PTPRD: variants seen among roughly 807,000 people sequenced by gnomAD.
PTPRD encodes receptor-type tyrosine-protein phosphatase delta.
A neutral mutation model predicts 214.5 loss-of-function variants in PTPRD; 34 were observed. The observed-to-expected ratio is 0.16, with a 90% CI of 0.12 to 0.21. PTPRD has a LOEUF of 0.21. Among genes scored for constraint, PTPRD ranks in the 10% least tolerant of loss-of-function variants. The pLI, the probability that PTPRD is intolerant of heterozygous loss-of-function variation, is 1.00. For missense variants in PTPRD, 2,545 were observed against 2,398.7 expected, an observed-to-expected ratio of 1.06 and a Z score of -1.27; for synonymous variants, 1,128 against 845.7, an observed-to-expected ratio of 1.33 and a Z score of -5.79.
intron 7 of PTPRD, among the ~76,000 whole-genome samples, chr9:9,583,502 C>A (rs1223136721): frequency 6.6e-6 from 1 of 152,000 alleles, no homozygotes; most frequent in South Asian, 2.1e-4. Flanking sequence ...CCTTAGTTGA[C>A]AATGAGCCAA....
chr9:9,575,409 T>C (rs1178212213), intron 7 of PTPRD, among the ~76,000 whole-genome samples: 1 of 152,054 alleles, frequency 6.6e-6, no homozygotes, highest in Non-Finnish European at 1.5e-5. Flanking sequence ...TTAGTTACCA[T>C]TGTGTGTGAC....
intron 9 of PTPRD, among the ~76,000 whole-genome samples, chr9:9,322,504 G>T (rs1267296832): frequency 6.6e-6 from 1 of 152,092 alleles, no homozygotes; most frequent in Non-Finnish European, 1.5e-5. Context: ...ACTATACCAT[G>T]CTACTTCTCA....
At chr9:8,385,978 G>C in intron 37 of PTPRD, among the ~76,000 whole-genome samples, 1 of 152,272 alleles carries the variant, frequency 6.6e-6, no homozygotes, top group South Asian at 2.1e-4. Flanking sequence ...TTTCATTTGG[G>C]AACACAGAGT....
At chr9:8,744,064 A>C (rs2092470917) in intron 11 of PTPRD, among the ~76,000 whole-genome samples, 1 of 152,108 alleles carries the variant, frequency 6.6e-6, no homozygotes, top group Admixed American at 6.5e-5. Context: ...ATCACTAATG[A>C]TCAGAGAAAT....
At chr9:9,665,039 C>A (rs996649136) in intron 7 of PTPRD, among the ~76,000 whole-genome samples, 8 of 151,600 alleles carry the variant, frequency 5.3e-5, no homozygotes, top group African/African-American at 1.5e-4. Flanking sequence ...TCATGTCACT[C>A]TTCATATGTG....
At chr9:10,398,782 A>G (rs1347185922) in intron 2 of PTPRD, among the ~76,000 whole-genome samples, 3 of 151,974 alleles carry the variant, frequency 2.0e-5, no homozygotes, top group Non-Finnish European at 4.4e-5. Context: ...ACCTTTTCAA[A>G]GTGCTATCAT....
At chr9:9,138,808 A>G (rs925130803) in intron 10 of PTPRD, among the ~76,000 whole-genome samples, 1 of 152,086 alleles carries the variant, frequency 6.6e-6, no homozygotes, top group African/African-American at 2.4e-5. Context: ...TTTGATATCT[A>G]TTTATTTAAA....
chr9:9,567,196 G>A (rs1023043465), intron 8 of PTPRD, among the ~76,000 whole-genome samples: 5 of 151,938 alleles, frequency 3.3e-5, no homozygotes, highest in African/African-American at 1.2e-4. Flanking sequence ...TTTTCTGTCA[G>A]TCAAAGGTGT....
Position 9,675,481 on chromosome 9 carries a change from A to AG in PTPRD, c.-287+59051dup, listed in dbSNP as rs60667768. ...ATTGTTTAAAAATATGATAAATACAAGAAATTATAAAAAATAAAAAGGTCA... is the reference window on the plus strand; with the variant it reads ...ATTGTTTAAAAATATGATAAATACAAGGAAATTATAAAAAATAAAAAGGTCA... On this transcript the variant is annotated intron_variant, in intron 7 of 45. Transcript: ENST00000381196. Among the ~76,000 whole-genome samples the AG allele has an allele frequency of 4.9e-3, 738 of 151,922 alleles. 6 individuals carry two copies. The highest frequency in any genetic ancestry group is 0.017 in the African/African-American group (697 of 41,558).
chr9:10,420,924 T>C (rs2098539700), intron 2 of PTPRD, among the ~76,000 whole-genome samples: 1 of 151,860 alleles, frequency 6.6e-6, no homozygotes, highest in Non-Finnish European at 1.5e-5. Context: ...AGAAATTGTC[T>C]CATGCTTTCT....
intron 12 of PTPRD, among the ~76,000 whole-genome samples, chr9:8,705,620 GCTT>G (rs1406188483): frequency 1.3e-5 from 2 of 152,102 alleles, no homozygotes; most frequent in African/African-American, 4.8e-5. Context: ...AGATATATCT[GCTT>G]CTTAAGTTAG....
chr9:9,633,440 C>A (rs1014599458), intron 7 of PTPRD, among the ~76,000 whole-genome samples: 4 of 152,248 alleles, frequency 2.6e-5, no homozygotes, highest in African/African-American at 9.6e-5. Context: ...CTTCCAAAAT[C>A]TAGGCATGTT....
chr9:9,173,304 G>A (rs968079), intron 10 of PTPRD, among the ~76,000 whole-genome samples: 116,949 of 152,050 alleles, frequency 0.77, 46,965 homozygotes, highest in South Asian at 0.94. Context: ...TAATAGTGCT[G>A]ATTTCAAGTC....
At chr9:8,717,367 C>A (rs762998082) in intron 12 of PTPRD, among the ~76,000 whole-genome samples, 1 of 152,168 alleles carries the variant, frequency 6.6e-6, no homozygotes, top group Admixed American at 6.5e-5. Context: ...AAAGTCAACT[C>A]ATCATGACAT....
chr9:10,205,828 C>T (rs1266687144), intron 3 of PTPRD, among the ~76,000 whole-genome samples: 1 of 152,068 alleles, frequency 6.6e-6, no homozygotes, highest in Admixed American at 6.5e-5. Flanking sequence ...GATACTATAA[C>T]TTTAAAAATA....
rs2097008108 is a variant in PTPRD at position 8,486,320 on chromosome 9, G to A, written c.2497C>T (p.His833Tyr). 6.2e-7 allele frequency: 1 copy of A among 1,614,006 alleles called. No individual in the cohort carries two copies. The highest frequency in any genetic ancestry group is 8.5e-7 in the Non-Finnish European group (1 of 1,179,998). ...VPGKPRLVIN[H>Y]TQMNTALIQW... ...ATAAGAGCAGTATTCATCTGAGTGT[G>A]GTTAATCACAAGCCGAGGTTTCCCT... The change falls in exon 28 of 46, where the codon CAC becomes TAC. Residue 833 changes from histidine (H) to tyrosine (Y), a missense_variant. By Grantham distance (83) the His-to-Tyr change is moderately conservative. Transcript: ENST00000381196.
intron 3 of PTPRD, among the ~76,000 whole-genome samples, chr9:10,135,767 A>C (rs748991156): frequency 6.6e-6 from 1 of 152,026 alleles, no homozygotes; most frequent in African/African-American, 2.4e-5. Flanking sequence ...GCCTGCTATC[A>C]TGAAAACACA....
chr9:9,627,673 G>T lies in PTPRD; in HGVS notation c.-286-52892C>A, dbSNP rs183565780. 3.6e-3 allele frequency among the ~76,000 whole-genome samples: 546 copies of T among 152,156 alleles called. 3 individuals are homozygous for T. Among genetic ancestry groups the T allele is most frequent in the African/African-American group, 0.012 (515 of 41,424 alleles). ...TATTTTTTCTAATAAAGACTAATAG[G>T]AGACAGTGGTAGAGAGAGAGAGCTT... On this transcript the variant is annotated intron_variant, in intron 7 of 45. Transcript: ENST00000381196.
At chr9:9,887,843 A>C (rs982271762) in intron 5 of PTPRD, among the ~76,000 whole-genome samples, 3 of 152,142 alleles carry the variant, frequency 2.0e-5, no homozygotes, top group African/African-American at 7.2e-5. Context: ...ACACGTATTT[A>C]TGGAATATCT....
Sources: gnomAD v4.1 joint callset for allele counts (sites outside exome capture counted in the v4.1 genomes callset) on GRCh38, gnomAD v4.1.1 for gene constraint, MANE v1.5 for transcripts, NCBI Gene and HGNC (gene_info 2026-07-23, HGNC 2026-07-21) for gene names.